The following GAB1 variants were observed in gnomAD, a reference collection of about 807,000 sequenced individuals.
GAB1 encodes GRB2-associated-binding protein 1.
A neutral mutation model predicts 66.5 loss-of-function variants in GAB1; 19 were observed. The observed-to-expected ratio is 0.29, with a 90% CI of 0.20 to 0.42. The LOEUF (loss-of-function observed/expected upper bound fraction) is 0.42. Among genes scored for constraint, GAB1 ranks in the 10% least tolerant of loss-of-function variants. The pLI is 1.00. For synonymous variants in GAB1, 294 were observed against 301.4 expected (o/e 0.98, Z 0.25); for missense variants, 732 against 858.5 (o/e 0.85, Z 1.84).
chr4:143,338,895 C>A (rs1728743170), intron 1 of GAB1, among the ~76,000 whole-genome samples: 1 of 152,158 alleles, frequency 6.6e-6, no homozygotes, highest in Non-Finnish European at 1.5e-5. Context: ...ATGGTTAGTT[C>A]ATGGCTCACT....
At position 143,469,285 on chromosome 4, in the gene GAB1, C is replaced by A; in HGVS notation, c.*96C>A. On this transcript the variant is annotated 3_prime_UTR_variant, in exon 10 of 10. Transcript: ENST00000262994. ...TTGACACTTCCACTCTAGGTAGATCCTCAAATGAGTAGAGTTGAAGTCAAA... is the reference window on the plus strand; with the variant it reads ...TTGACACTTCCACTCTAGGTAGATCATCAAATGAGTAGAGTTGAAGTCAAA... The A allele has an allele frequency of 7.9e-7, 1 of 1,261,268 alleles. No individual in the cohort carries two copies. 78.1% of individuals were successfully genotyped at this position (1,261,268 alleles called of 1,614,324 possible).
chr4:143,414,684 G>T (rs1470146448), intron 1 of GAB1, among the ~76,000 whole-genome samples: 1 of 152,000 alleles, frequency 6.6e-6, no homozygotes, highest in African/African-American at 2.4e-5. Flanking sequence ...AAAAAAAAGA[G>T]AAATCTTTTA....
rs749446171 is a variant in GAB1 at position 143,438,138 on chromosome 4, C to T, written c.733C>T (p.Pro245Ser). ...TCAGCAGCAAATGATATACGACTCT[C>T]CACCTTCACGTGCCCCATCTGCTTC... is the stretch of plus-strand genomic sequence containing the variant. ...FFQQQMIYDS[P>S]PSRAPSASVD... Residue 245 changes from proline (P) to serine (S), a missense_variant, in exon 4 of 10, where the codon CCA (proline) becomes TCA (serine). Coordinates refer to ENST00000262994, the MANE Select transcript of GAB1 (RefSeq NM_002039.4). The T allele has an allele frequency of 6.2e-6, 10 of 1,614,056 alleles. No homozygotes were observed. The highest frequency in any genetic ancestry group is 8.5e-6 in the Non-Finnish European group (10 of 1,179,998).
chr4:143,382,677 A>T (rs1395075290), intron 1 of GAB1, among the ~76,000 whole-genome samples: 1 of 152,122 alleles, frequency 6.6e-6, no homozygotes, highest in African/African-American at 2.4e-5. Context: ...GAAAGAAGAG[A>T]CTGTCAGAGA....
In GAB1 at chr4:143,409,392, C is replaced by A. The variant is rs188274131; in HGVS notation, c.73-6085C>A. ...CAATAACAACTTTGAACTTTCCCCC[C>A]CCCCGCTCTGAAATCTTTTCATTTA... On this transcript the variant is annotated intron_variant, in intron 1 of 9. Coordinates refer to ENST00000262994, the MANE Select transcript of GAB1 (RefSeq NM_002039.4). Among the ~76,000 whole-genome samples the A allele has an allele frequency of 1.2e-3, 185 of 149,530 alleles. 1 individual carries two copies. The highest frequency in any genetic ancestry group is 4.0e-3 in the African/African-American group (161 of 40,554).
chr4:143,416,230 C>A (rs903028195), intron 2 of GAB1, among the ~76,000 whole-genome samples: 1 of 151,866 alleles, frequency 6.6e-6, no homozygotes, highest in African/African-American at 2.4e-5. Context: ...ACAGTGAAAC[C>A]CTGTCTCTAC....
intron 1 of GAB1, among the ~76,000 whole-genome samples, chr4:143,390,488 T>C (rs1731136419): frequency 6.6e-6 from 1 of 151,914 alleles, no homozygotes. Context: ...AGACCTGCAG[T>C]TGATTATTTT....
intron 1 of GAB1, among the ~76,000 whole-genome samples, chr4:143,339,127 A>T (rs982302193): frequency 2.0e-5 from 3 of 152,252 alleles, no homozygotes; most frequent in African/African-American, 7.2e-5. Context: ...TATTTTACAG[A>T]AAACAGTCCT....
intron 1 of GAB1, among the ~76,000 whole-genome samples, chr4:143,367,849 C>A (rs1729954711): frequency 6.6e-6 from 1 of 151,808 alleles, no homozygotes; most frequent in African/African-American, 2.4e-5. Context: ...CTCAGCCCCC[C>A]AAGTAGCTGG....
At chr4:143,347,462 GA>G (rs1729025518) in intron 1 of GAB1, among the ~76,000 whole-genome samples, 1 of 152,220 alleles carries the variant, frequency 6.6e-6, no homozygotes, top group South Asian at 2.1e-4. Context: ...TACAGGGAAT[GA>G]AAATAAGCCT....
intron 1 of GAB1, among the ~76,000 whole-genome samples, chr4:143,399,049 T>C (rs1731610276): frequency 1.3e-5 from 2 of 151,544 alleles, no homozygotes; most frequent in Admixed American, 6.6e-5. Flanking sequence ...TGAACCATTG[T>C]GTCTTTTACT....
At chr4:143,424,322 A>G (rs1733210384) in intron 2 of GAB1, among the ~76,000 whole-genome samples, 1 of 152,244 alleles carries the variant, frequency 6.6e-6, no homozygotes, top group South Asian at 2.1e-4. Flanking sequence ...TACAGTGTGT[A>G]GGATACATTA....
chr4:143,358,912 A>G (rs1171714651), intron 1 of GAB1, among the ~76,000 whole-genome samples: 1 of 152,222 alleles, frequency 6.6e-6, no homozygotes, highest in Non-Finnish European at 1.5e-5. Context: ...GAGAAAGTGA[A>G]TGAAGAGGCT....
chr4:143,400,651 G>A (rs1731720357), intron 1 of GAB1, among the ~76,000 whole-genome samples: 1 of 152,060 alleles, frequency 6.6e-6, no homozygotes, highest in African/African-American at 2.4e-5. Context: ...GCCAACCTGG[G>A]GTTACAGAAT....
intron 2 of GAB1, among the ~76,000 whole-genome samples, chr4:143,430,141 A>G (rs1733574808): frequency 6.6e-6 from 1 of 152,178 alleles, no homozygotes; most frequent in African/African-American, 2.4e-5. Context: ...GTTATCAGAA[A>G]CCTACATTTG....
At chr4:143,444,407 A>G (rs763672202) in intron 6 of GAB1, among the ~76,000 whole-genome samples, 2 of 152,068 alleles carry the variant, frequency 1.3e-5, no homozygotes, top group Non-Finnish European at 2.9e-5. Flanking sequence ...TGGTGTTTTT[A>G]TACACCACTT....
At chr4:143,454,727 C>T (rs1293781655) in intron 6 of GAB1, among the ~76,000 whole-genome samples, 1 of 152,090 alleles carries the variant, frequency 6.6e-6, no homozygotes, top group Non-Finnish European at 1.5e-5. Flanking sequence ...AGCCCTCAAC[C>T]CTAATTTAGT....
intron 8 of GAB1, among the ~76,000 whole-genome samples, chr4:143,464,315 C>T (rs147819087): frequency 0.012 from 1,882 of 152,132 alleles, 29 homozygotes; most frequent in African/African-American, 0.041. Context: ...CTGCAACCTC[C>T]GCCTCCGGGT....
chr4:143,447,946 T>A (rs1734659140), intron 6 of GAB1, among the ~76,000 whole-genome samples: 1 of 152,196 alleles, frequency 6.6e-6, no homozygotes, highest in Non-Finnish European at 1.5e-5. Flanking sequence ...GCTGTTACTA[T>A]TTTGAGATAC....
Sources: gnomAD v4.1 joint callset for allele counts (sites outside exome capture counted in the v4.1 genomes callset) on GRCh38, gnomAD v4.1.1 for gene constraint, MANE v1.5 for transcripts, NCBI Gene and HGNC (gene_info 2026-07-23, HGNC 2026-07-21) for gene names.